Variants in NDST4 observed in about 807,000 individuals in gnomAD.
The protein encoded by NDST4 is N-deacetylase and N-sulfotransferase 4.
Under a neutral mutation model 100.8 loss-of-function variants are expected in NDST4, and 63 were observed. The ratio of observed to expected loss-of-function variants is 0.62; its 90% CI spans 0.51 to 0.77. The LOEUF (loss-of-function observed/expected upper bound fraction) is 0.77. NDST4 is among the 30% of genes least tolerant of loss of function. The pLI is 0.00. For missense variants in NDST4, 943 were observed against 1,018.4 expected, an observed-to-expected ratio of 0.93 and a Z score of 1.01; for synonymous variants, 377 against 361.8, an observed-to-expected ratio of 1.04 and a Z score of -0.48.
chr4:114,900,022 C>T (rs1724801160), intron 6 of NDST4, among the ~76,000 whole-genome samples: 1 of 152,038 alleles, frequency 6.6e-6, no homozygotes, highest in Non-Finnish European at 1.5e-5. Flanking sequence ...AGATATAATC[C>T]TAATAAGATT....
chr4:114,929,078 A>G (rs28622250), intron 6 of NDST4, among the ~76,000 whole-genome samples: 25,668 of 88,298 alleles, frequency 0.29, 3,333 homozygotes, highest in Non-Finnish European at 0.38. Flanking sequence ...CCGTCCGTCC[A>G]TCCATCCATC....
chr4:114,865,578 A>C (rs1213284891), intron 7 of NDST4, among the ~76,000 whole-genome samples: 1 of 152,226 alleles, frequency 6.6e-6, no homozygotes, highest in African/African-American at 2.4e-5. Flanking sequence ...CAAACAAAAA[A>C]TTCAGTTTCC....
intron 2 of NDST4, among the ~76,000 whole-genome samples, chr4:115,073,670 G>C (rs1257786190): frequency 6.6e-6 from 1 of 151,888 alleles, no homozygotes; most frequent in African/African-American, 2.4e-5. Context: ...TGAAGAGGTT[G>C]GAGAGATTCG....
chr4:115,070,977 C>T (rs515070), intron 2 of NDST4, among the ~76,000 whole-genome samples: 29,127 of 151,530 alleles, frequency 0.19, 3,414 homozygotes, highest in East Asian at 0.45. Context: ...TGGTGGTGTG[C>T]ACCTGTAGTC....
chr4:115,040,487 G>A (rs1336157542), intron 2 of NDST4, among the ~76,000 whole-genome samples: 1 of 150,886 alleles, frequency 6.6e-6, no homozygotes, highest in Non-Finnish European at 1.5e-5. Flanking sequence ...GTTATCCTCA[G>A]TGTCTTTGAT....
In NDST4 at chr4:115,076,761, A is replaced by G. The variant is rs781356042; in HGVS notation, c.276T>C (p.Gly92=). Residue 92 remains glycine (G), a synonymous_variant, in exon 2 of 14, where the codon GGT becomes GGC. Transcript: ENST00000264363. ...ACTCCAAAATAGCTATGATATCTTG[A>G]CCGAGTTGAGAGTATTGGCTCTCCA... ...LFVESQYSQL[G]QDIIAILESS... 1.9e-5 allele frequency: 30 copies of G among 1,613,884 alleles called. No individual in the cohort carries two copies. The East Asian group carries it at 2.7e-4, about 14-fold the overall frequency.
At chr4:114,921,557 AT>A (rs1245508194) in intron 6 of NDST4, among the ~76,000 whole-genome samples, 2 of 152,170 alleles carry the variant, frequency 1.3e-5, no homozygotes, top group East Asian at 1.9e-4. Flanking sequence ...AATTATTTAT[AT>A]TTTTTGTCCA....
At chr4:114,985,444 C>T (rs184656976) in intron 2 of NDST4, among the ~76,000 whole-genome samples, 1 of 152,120 alleles carries the variant, frequency 6.6e-6, no homozygotes, top group African/African-American at 2.4e-5. Context: ...AAAATAATAT[C>T]TAATATTATC....
At chr4:114,881,520 C>T (rs934218691) in intron 6 of NDST4, among the ~76,000 whole-genome samples, 9 of 151,958 alleles carry the variant, frequency 5.9e-5, no homozygotes, top group Non-Finnish European at 8.8e-5. Flanking sequence ...AACCACACAG[C>T]GAGCTAACAA....
intron 6 of NDST4, among the ~76,000 whole-genome samples, chr4:114,930,174 G>T (rs955989758): frequency 6.6e-6 from 1 of 152,092 alleles, no homozygotes; most frequent in Non-Finnish European, 1.5e-5. Flanking sequence ...TATACAAAAG[G>T]TGTTGATTTT....
intron 2 of NDST4, among the ~76,000 whole-genome samples, chr4:115,028,543 A>T (rs1728039598): frequency 1.3e-5 from 2 of 151,686 alleles, no homozygotes; most frequent in African/African-American, 4.9e-5. Flanking sequence ...CCTGGAGAAG[A>T]ATACCAAATT....
chr4:115,110,884 C>G (rs1729939979), intron 1 of NDST4, among the ~76,000 whole-genome samples: 1 of 151,968 alleles, frequency 6.6e-6, no homozygotes, highest in South Asian at 2.1e-4. Flanking sequence ...AATGCATTAT[C>G]AATGAATTTT....
intron 2 of NDST4, among the ~76,000 whole-genome samples, chr4:114,983,878 C>T (rs969795884): frequency 1.3e-5 from 2 of 152,028 alleles, no homozygotes; most frequent in Non-Finnish European, 2.9e-5. Flanking sequence ...CTAATGGTTT[C>T]GCACTATCCC....
chr4:115,112,538 T>C (rs1319364302), intron 1 of NDST4, among the ~76,000 whole-genome samples: 1 of 151,906 alleles, frequency 6.6e-6, no homozygotes. Flanking sequence ...TAAAGCTGTA[T>C]GAGAACTCAC....
At chr4:114,858,346 A>C (rs1201146208) in intron 7 of NDST4, among the ~76,000 whole-genome samples, 1 of 152,198 alleles carries the variant, frequency 6.6e-6, no homozygotes, top group Non-Finnish European at 1.5e-5. Context: ...AAGGGCTCAC[A>C]GAGTATATGG....
At chr4:114,941,618 C>A (rs1010192016) in intron 4 of NDST4, among the ~76,000 whole-genome samples, 1 of 152,090 alleles carries the variant, frequency 6.6e-6, no homozygotes, top group Non-Finnish European at 1.5e-5. Context: ...TAAGTTCTTG[C>A]AAATAAGCAA....
intron 7 of NDST4, among the ~76,000 whole-genome samples, chr4:114,858,639 G>T (rs955578375): frequency 4.6e-5 from 7 of 152,178 alleles, no homozygotes; most frequent in African/African-American, 1.7e-4. Flanking sequence ...TCACCAACAG[G>T]TGCCTCTACT....
chr4:115,024,847 G>A (rs1727945901), intron 2 of NDST4, among the ~76,000 whole-genome samples: 1 of 152,264 alleles, frequency 6.6e-6, no homozygotes, highest in African/African-American at 2.4e-5. Flanking sequence ...AAATTAAGAG[G>A]CAGAACTGTT....
intron 4 of NDST4, among the ~76,000 whole-genome samples, chr4:114,959,071 A>G (rs1458826839): frequency 7.9e-5 from 12 of 152,008 alleles, no homozygotes; most frequent in Admixed American, 6.5e-4. Flanking sequence ...TATAGCAAAA[A>G]TCACCTCTAT....
Sources: allele counts gnomAD v4.1 joint callset (sites outside exome capture counted in the v4.1 genomes callset), GRCh38; gene constraint gnomAD v4.1.1; transcripts MANE v1.5; gene names NCBI Gene and HGNC (gene_info 2026-07-23, HGNC 2026-07-21).